The following ABTB3 variants were observed in gnomAD, a reference collection of about 807,000 sequenced individuals.
ABTB3 encodes the protein ankyrin repeat and BTB domain containing 3.
chr12:107,390,741 A>G, the ABTB3 span, among the ~76,000 whole-genome samples: 2 of 152,260 alleles, frequency 1.3e-5, no homozygotes, highest in Non-Finnish European at 2.9e-5. Flanking sequence ...ATTTTAAAAA[A>G]TGATTGAAAA....
At chr12:107,550,180 C>A in the ABTB3 span, among the ~76,000 whole-genome samples, 276 of 152,272 alleles carry the variant, frequency 1.8e-3, no homozygotes, top group Admixed American at 3.7e-3. Flanking sequence ...TATAACCAGG[C>A]TACATAACCT....
At chr12:107,392,574 C>T in the ABTB3 span, among the ~76,000 whole-genome samples, 2 of 152,184 alleles carry the variant, frequency 1.3e-5, no homozygotes, top group Non-Finnish European at 2.9e-5. Flanking sequence ...CTCTCTTTGC[C>T]AGCCTAGCCT....
chr12:107,337,632 A>C, the ABTB3 span, among the ~76,000 whole-genome samples: 1 of 152,210 alleles, frequency 6.6e-6, no homozygotes, highest in African/African-American at 2.4e-5. Context: ...GTGGGGATGT[A>C]GGGGCTGAGG....
chr12:107,620,234 T>C, the ABTB3 span: 24 of 1,557,588 alleles, frequency 1.5e-5, no homozygotes, highest in Non-Finnish European at 2.1e-5. Flanking sequence ...ATCTGAACGG[T>C]CTTTTAGCCT....
chr12:107,391,343 T>C, the ABTB3 span, among the ~76,000 whole-genome samples: 1 of 152,086 alleles, frequency 6.6e-6, no homozygotes, highest in Non-Finnish European at 1.5e-5. Flanking sequence ...GGCACCACAG[T>C]TGGGATCCTA....
At chr12:107,578,082 C>T in the ABTB3 span, among the ~76,000 whole-genome samples, 6 of 152,116 alleles carry the variant, frequency 3.9e-5, no homozygotes, top group African/African-American at 1.2e-4. Context: ...TCAGAGCCCT[C>T]GAATTCTTTC....
chr12:107,500,709 A>G, the ABTB3 span, among the ~76,000 whole-genome samples: 941 of 151,984 alleles, frequency 6.2e-3, 27 homozygotes, highest in East Asian at 0.046. Flanking sequence ...AAAAACAAGC[A>G]CCCAAGAATG....
the ABTB3 span, among the ~76,000 whole-genome samples, chr12:107,542,081 G>A: frequency 3.3e-5 from 5 of 152,192 alleles, no homozygotes; most frequent in South Asian, 8.3e-4. Flanking sequence ...AGGCCAAGGC[G>A]GGCGGATCAC....
At chr12:107,508,438 CTTTTTTTTTTTTTTT>C in the ABTB3 span, among the ~76,000 whole-genome samples, 6 of 69,168 alleles carry the variant, frequency 8.7e-5, no homozygotes, top group African/African-American at 1.6e-4. Context: ...AAGATCATTT[CTTTTTTTTTTTTTTT>C]TTTTTTTTTT....
At chr12:107,372,804 G>A in the ABTB3 span, among the ~76,000 whole-genome samples, 1 of 152,108 alleles carries the variant, frequency 6.6e-6, no homozygotes, top group Non-Finnish European at 1.5e-5. Flanking sequence ...TTTAACCAGT[G>A]GACCTGGAGA....
At chr12:107,424,279 A>G in the ABTB3 span, among the ~76,000 whole-genome samples, 4 of 152,142 alleles carry the variant, frequency 2.6e-5, no homozygotes, top group African/African-American at 9.7e-5. Flanking sequence ...ATCCTTGGAA[A>G]TTCGAAGTGT....
chr12:107,368,612 G>C, the ABTB3 span, among the ~76,000 whole-genome samples: 1 of 152,176 alleles, frequency 6.6e-6, no homozygotes, highest in Non-Finnish European at 1.5e-5. Flanking sequence ...ATACTCAGGA[G>C]TGGGTTGGTC....
the ABTB3 span, among the ~76,000 whole-genome samples, chr12:107,499,125 G>A: frequency 6.6e-6 from 1 of 152,152 alleles, no homozygotes; most frequent in African/African-American, 2.4e-5. Flanking sequence ...CTCAGGAAAT[G>A]TTAGTGGCTG....
chr12:107,385,016 G>A, the ABTB3 span, among the ~76,000 whole-genome samples: 8 of 152,330 alleles, frequency 5.3e-5, no homozygotes, highest in South Asian at 2.1e-4. Flanking sequence ...ACTTCTGCCC[G>A]TCCTCATACT....
the ABTB3 span, among the ~76,000 whole-genome samples, chr12:107,469,860 T>TC: frequency 2.4e-4 from 35 of 145,668 alleles, no homozygotes; most frequent in African/African-American, 9.4e-4. Flanking sequence ...TCTCTTTCTT[T>TC]CTTTCTTTTC....
At chr12:107,597,710 G>A in the ABTB3 span, among the ~76,000 whole-genome samples, 3 of 152,182 alleles carry the variant, frequency 2.0e-5, no homozygotes, top group African/African-American at 7.2e-5. Flanking sequence ...AGAGTACAGT[G>A]GCTTGACGAA....
At chr12:107,335,472 C>T in the ABTB3 span, among the ~76,000 whole-genome samples, 14 of 152,126 alleles carry the variant, frequency 9.2e-5, no homozygotes, top group Admixed American at 2.6e-4. Flanking sequence ...GCCAAATCAA[C>T]GATTTTGATC....
the ABTB3 span, among the ~76,000 whole-genome samples, chr12:107,446,804 G>A: frequency 6.6e-6 from 1 of 152,182 alleles, no homozygotes; most frequent in Non-Finnish European, 1.5e-5. Flanking sequence ...TGTCTTGCTG[G>A]CATGCTGTGT....
the ABTB3 span, among the ~76,000 whole-genome samples, chr12:107,574,235 T>C: frequency 6.6e-6 from 1 of 152,182 alleles, no homozygotes; most frequent in East Asian, 1.9e-4. Flanking sequence ...TCGGCCAATC[T>C]GATGCACCAG....
Sources: allele counts gnomAD v4.1 joint callset (sites outside exome capture counted in the v4.1 genomes callset), GRCh38; gene constraint gnomAD v4.1.1; transcripts MANE v1.5; gene names NCBI Gene and HGNC (gene_info 2026-07-23, HGNC 2026-07-21).